RASGEF1C: variants seen among roughly 807,000 people sequenced by gnomAD.
RASGEF1C encodes RasGEF domain family member 1C.
RASGEF1C carries 27 observed loss-of-function variants against 58.1 expected under a neutral mutation model. The ratio of observed to expected loss-of-function variants is 0.46; its 90% CI spans 0.34 to 0.64. The LOEUF is 0.64. Ranked by LOEUF, RASGEF1C falls within the 30% of genes least tolerant of loss-of-function variation. The pLI is 0.01. For missense variants in RASGEF1C, 502 were observed against 605.1 expected, an observed-to-expected ratio of 0.83 and a Z score of 1.79; for synonymous variants, 243 against 246.3, an observed-to-expected ratio of 0.99 and a Z score of 0.13.
At chr5:180,112,963 C>A (rs1157959120) in intron 11 of RASGEF1C, among the ~76,000 whole-genome samples, 6 of 135,230 alleles carry the variant, frequency 4.4e-5, no homozygotes, top group Admixed American at 1.5e-4. Context: ...ACGGAGGGAC[C>A]GGGGATGGAC....
At chr5:180,190,378 T>C (rs1333660773) in intron 1 of RASGEF1C, among the ~76,000 whole-genome samples, 1 of 150,704 alleles carries the variant, frequency 6.6e-6, no homozygotes, top group Non-Finnish European at 1.5e-5. Context: ...TAGTCCCAGC[T>C]ACTCGGGAGG....
At position 180,101,366 on chromosome 5, in the gene RASGEF1C, C is replaced by T. The variant is rs1443775766; in HGVS notation, c.*135G>A. On this transcript the variant is annotated 3_prime_UTR_variant, in exon 14 of 14. Coordinates refer to ENST00000361132, the MANE Select transcript of RASGEF1C (RefSeq NM_175062.4). ...ATGGCCACTGTGGGGGGGGGGGGGG[C>T]GGGCAGCAGGCCACAGGGTCGGCAT... is the stretch of plus-strand genomic sequence containing the variant. 18 of 719,286 alleles carry T rather than the reference C, an allele frequency of 2.5e-5. No individual in the cohort carries two copies. The highest frequency in any genetic ancestry group is 1.5e-4 in the African/African-American group (5 of 34,248). 44.6% of individuals were successfully genotyped at this position (719,286 alleles called of 1,614,324 possible).
chr5:180,205,934 C>T (rs558030982), intron 1 of RASGEF1C, among the ~76,000 whole-genome samples: 1 of 152,176 alleles, frequency 6.6e-6, no homozygotes, highest in Admixed American at 6.5e-5. Context: ...AAGGTTTCAC[C>T]ATGTTGGCCA....
chr5:180,202,954 G>A (rs934966658), intron 1 of RASGEF1C, among the ~76,000 whole-genome samples: 11 of 151,892 alleles, frequency 7.2e-5, no homozygotes, highest in Admixed American at 2.6e-4. Context: ...CACCCGCCTC[G>A]GCCTCCCAAA....
rs766795890 is a variant in RASGEF1C at position 180,198,488 on chromosome 5, T to C, written c.-7+10540A>G. 3.9e-5 allele frequency among the ~76,000 whole-genome samples: 6 copies of C among 152,212 alleles called. No individual in the cohort carries two copies. Among genetic ancestry groups the C allele is most frequent in the Non-Finnish European group, 8.8e-5 (6 of 68,024 alleles). ...GGATAATTTATAAGTAGTAGAAATG[T>C]ATGCCTCACAGTTCTAGAGGCAGAG... On this transcript the variant is annotated intron_variant, in intron 1 of 13. Coordinates refer to ENST00000361132, the MANE Select transcript of RASGEF1C (RefSeq NM_175062.4). The surrounding 1 kb of genome is among the most constrained non-coding windows in gnomAD (Gnocchi z 4.5).
intron 4 of RASGEF1C, among the ~76,000 whole-genome samples, chr5:180,131,213 C>T (rs1298615249): frequency 6.6e-6 from 1 of 152,180 alleles, no homozygotes; most frequent in African/African-American, 2.4e-5. Flanking sequence ...GAAAATGCCT[C>T]CATGGCTTGT....
At chr5:180,159,646 G>T (rs186992095) in intron 1 of RASGEF1C, among the ~76,000 whole-genome samples, 95 of 152,332 alleles carry the variant, frequency 6.2e-4, no homozygotes, top group Non-Finnish European at 7.1e-4. Flanking sequence ...GCTCGCAGTG[G>T]GGAGATCTAG....
At chr5:180,141,930 G>T (rs151126725) in intron 1 of RASGEF1C, among the ~76,000 whole-genome samples, 1 of 152,020 alleles carries the variant, frequency 6.6e-6, no homozygotes, top group African/African-American at 2.4e-5. Context: ...GGATGGTCTC[G>T]ATCTCCTGAC....
At chr5:180,119,065 C>T (rs570253266) in intron 8 of RASGEF1C, among the ~76,000 whole-genome samples, 199 bp from the exon 9 acceptor site, 118 of 152,320 alleles carry the variant, frequency 7.7e-4, no homozygotes, top group Admixed American at 1.3e-3. Context: ...CATTCTGTAC[C>T]AAGCACCTGC....
chr5:180,136,462 G>T lies in RASGEF1C; in HGVS notation c.354C>A (p.Thr118=), dbSNP rs747578901. 2 of 1,561,944 alleles carry T rather than the reference G, an allele frequency of 1.3e-6. No homozygotes were observed. Among genetic ancestry groups the T allele is most frequent in the Admixed American group, 3.8e-5 (2 of 53,106 alleles). ...CCTGGAAGTCCCTTGGGAAGGTCTCGGTCCACTCGGCCAACAGCTGCAGCA... is the reference window on the plus strand; with the variant it reads ...CCTGGAAGTCCCTTGGGAAGGTCTCTGTCCACTCGGCCAACAGCTGCAGCA... ...PKLLQLLAEW[T]ETFPRDFQEE... is the part of the protein sequence containing the mutation. Residue 118 remains threonine, a synonymous_variant, in exon 4 of 14, where the codon ACC becomes ACA. Transcript: ENST00000361132.
intron 1 of RASGEF1C, among the ~76,000 whole-genome samples, chr5:180,140,529 G>A (rs866506316): frequency 6.6e-6 from 1 of 152,166 alleles, no homozygotes; most frequent in Non-Finnish European, 1.5e-5. Flanking sequence ...TGCTCACTGC[G>A]GTGGATGTCC....
At chr5:180,123,826 GAAAC>G (rs909038128) in intron 6 of RASGEF1C, among the ~76,000 whole-genome samples, 1 of 152,014 alleles carries the variant, frequency 6.6e-6, no homozygotes, top group African/African-American at 2.4e-5. Context: ...GATTGATAAA[GAAAC>G]AAAGAGAGGT....
At chr5:180,136,746 G>T (rs367603069) in intron 3 of RASGEF1C, 22 of 558,414 alleles carry the variant, frequency 3.9e-5, no homozygotes, top group South Asian at 1.1e-4. Flanking sequence ...TGCGGTTGAC[G>T]GCTCCATCCT....
At chr5:180,138,271 C>T (rs1207454691) in intron 1 of RASGEF1C, 3 of 427,478 alleles carry the variant, frequency 7.0e-6, no homozygotes, top group Non-Finnish European at 1.2e-5. Context: ...CATGGCCTCT[C>T]AACTCTCCTG....
chr5:180,140,591 C>A (rs533293104), intron 1 of RASGEF1C, among the ~76,000 whole-genome samples: 27 of 152,328 alleles, frequency 1.8e-4, no homozygotes, highest in Middle Eastern at 3.4e-3. Context: ...CGGGCTCCCC[C>A]ACCACTCCCA....
chr5:180,163,350 A>C (rs1766975604), intron 1 of RASGEF1C, among the ~76,000 whole-genome samples: 1 of 150,328 alleles, frequency 6.7e-6, no homozygotes, highest in African/African-American at 2.5e-5. Context: ...GAAAATATTC[A>C]GTCTTTTACC....
chr5:180,121,353 G>A (rs184702395), intron 6 of RASGEF1C, among the ~76,000 whole-genome samples: 94 of 150,206 alleles, frequency 6.3e-4, no homozygotes, highest in African/African-American at 2.2e-3. Flanking sequence ...CCGCTCTGTC[G>A]CCCAGGCTGG....
chr5:180,113,673 T>TGGACGGAGGGACCGG (rs1766012121), intron 11 of RASGEF1C, among the ~76,000 whole-genome samples: 2 of 87,910 alleles, frequency 2.3e-5, no homozygotes, highest in Non-Finnish European at 4.4e-5. Context: ...GGACCGGGGA[T>TGGACGGAGGGACCGG]GGATGGAGGG....
chr5:180,170,662 C>T (rs566807440), intron 1 of RASGEF1C, among the ~76,000 whole-genome samples: 3 of 152,294 alleles, frequency 2.0e-5, no homozygotes, highest in East Asian at 1.9e-4. Flanking sequence ...GTGGCAGTCA[C>T]GAGCCACACC....
Sources: allele counts gnomAD v4.1 joint callset (sites outside exome capture counted in the v4.1 genomes callset), GRCh38; gene constraint gnomAD v4.1.1; non-coding constraint Gnocchi (gnomAD v3.1); transcripts MANE v1.5; gene names NCBI Gene and HGNC (gene_info 2026-07-23, HGNC 2026-07-21).